Variants in CSMD1 observed in about 807,000 individuals in gnomAD.
The protein encoded by CSMD1 is CUB and sushi domain-containing protein 1.
Under a neutral mutation model 417.5 loss-of-function variants are expected in CSMD1, and 213 were observed. That is an observed-to-expected ratio of 0.51 (90% CI 0.46 to 0.57). The LOEUF is 0.57. Among genes scored for constraint, CSMD1 ranks in the 20% least tolerant of loss-of-function variants. The probability of loss-of-function intolerance (pLI) is 0.00; values close to 1 mark genes in which losing one functional copy is unlikely to be tolerated. For synonymous variants in CSMD1, 2,862 were observed against 1,736.8 expected (o/e 1.65, Z -16.11); for missense variants, 6,923 against 4,529.7 (o/e 1.53, Z -15.17).
At position 3,396,347 on chromosome 8, in the gene CSMD1, C is replaced by T. The variant is rs770045883; in HGVS notation, c.2440G>A (p.Val814Ile). 12 of 1,603,410 alleles carry T rather than the reference C, an allele frequency of 7.5e-6. No homozygotes were observed. Among genetic ancestry groups the T allele is most frequent in the South Asian group, 2.3e-5 (2 of 88,822 alleles). The stretch of plus-strand genomic sequence containing the variant: ...GACGAACTGGCTGGCCCATCTCTGA[C>T]CTCCAAGGTGTCATAATTGACCTCT... Reference protein sequence around the residue: ...QTEVNYDTLEVRDGPASSSPL... With the variant: ...QTEVNYDTLEIRDGPASSSPL... Residue 814 changes from valine to isoleucine, a missense_variant, in exon 17 of 70, where the codon GTC (valine) becomes ATC (isoleucine). Coordinates refer to ENST00000635120, the MANE Select transcript of CSMD1 (RefSeq NM_033225.6).
chr8:4,959,804 C>T (rs1809359155), intron 1 of CSMD1, among the ~76,000 whole-genome samples: 1 of 152,158 alleles, frequency 6.6e-6, no homozygotes, highest in Non-Finnish European at 1.5e-5. Flanking sequence ...GAATGATTTT[C>T]CCAGATATCC....
Position 4,410,103 on chromosome 8 carries a change from C to T in CSMD1, c.415+9850G>A, listed in dbSNP as rs1195089122. ...TGCTGGGATTACAGCCATGAGCCACCGTACCCGGTCCCATACTTTATAATC... is the reference window on the plus strand; with the variant it reads ...TGCTGGGATTACAGCCATGAGCCACTGTACCCGGTCCCATACTTTATAATC... On this transcript the variant is annotated intron_variant, in intron 3 of 69. Coordinates refer to ENST00000635120, the MANE Select transcript of CSMD1 (RefSeq NM_033225.6). Among the ~76,000 whole-genome samples the T allele has an allele frequency of 4.6e-5, 7 of 152,138 alleles. 1 individual carries two copies. The South Asian group carries it at 1.2e-3, about 27-fold the overall frequency.
At chr8:3,116,346 A>C (rs1204127154) in intron 42 of CSMD1, among the ~76,000 whole-genome samples, 1 of 146,480 alleles carries the variant, frequency 6.8e-6, no homozygotes, top group Non-Finnish European at 1.5e-5. Context: ...TTAGTAAAGA[A>C]CTTGGCATGG....
chr8:4,462,985 C>G (rs1309696095), intron 2 of CSMD1, among the ~76,000 whole-genome samples: 4 of 151,892 alleles, frequency 2.6e-5, no homozygotes, highest in African/African-American at 7.3e-5. Flanking sequence ...CTTTGTATTT[C>G]AAAAAACATT....
intron 7 of CSMD1, among the ~76,000 whole-genome samples, chr8:3,653,291 A>T (rs917453385): frequency 1.3e-5 from 2 of 152,174 alleles, no homozygotes; most frequent in Non-Finnish European, 2.9e-5. Flanking sequence ...AATTAAAGAA[A>T]ACTAAAGTTA....
chr8:3,455,378 G>T (rs1373563931), intron 12 of CSMD1, among the ~76,000 whole-genome samples: 2 of 152,244 alleles, frequency 1.3e-5, no homozygotes, highest in African/African-American at 4.8e-5. Context: ...TTTGGAGGAG[G>T]AGAGGCACTC....
chr8:3,278,086 G>T (rs1384936495), intron 26 of CSMD1, among the ~76,000 whole-genome samples: 4 of 151,902 alleles, frequency 2.6e-5, no homozygotes, highest in Non-Finnish European at 5.9e-5. Context: ...GAGTTTCAAG[G>T]GAAAAAATAT....
chr8:4,312,658 C>A (rs1563435866), intron 3 of CSMD1, among the ~76,000 whole-genome samples: 1 of 151,826 alleles, frequency 6.6e-6, no homozygotes, highest in South Asian at 2.1e-4. Flanking sequence ...GAGTGGATCA[C>A]CTGAGGTCAG....
chr8:3,840,623 CTG>C (rs902686738), intron 5 of CSMD1, among the ~76,000 whole-genome samples: 1 of 151,744 alleles, frequency 6.6e-6, no homozygotes, highest in Non-Finnish European at 1.5e-5. Flanking sequence ...TATGATATAT[CTG>C]TGTGTGTGCA....
intron 52 of CSMD1, among the ~76,000 whole-genome samples, chr8:3,012,753 A>AT (rs1037651126): frequency 7.2e-5 from 11 of 152,122 alleles, no homozygotes; most frequent in African/African-American, 2.7e-4. Flanking sequence ...GGATGTGGGG[A>AT]TTTTTTATAC....
At chr8:3,610,592 C>T (rs747834988) in intron 8 of CSMD1, among the ~76,000 whole-genome samples, 19 of 152,078 alleles carry the variant, frequency 1.2e-4, no homozygotes, top group Non-Finnish European at 5.9e-5. Flanking sequence ...ATCAGATGCC[C>T]ATGATCACTA....
intron 10 of CSMD1, among the ~76,000 whole-genome samples, chr8:3,561,464 T>C (rs1271559230): frequency 6.6e-6 from 1 of 150,858 alleles, no homozygotes; most frequent in Non-Finnish European, 1.5e-5. Context: ...AAATGATACA[T>C]TTCTTGGCAA....
At chr8:4,695,774 C>T (rs192243880) in intron 1 of CSMD1, among the ~76,000 whole-genome samples, 38 of 152,136 alleles carry the variant, frequency 2.5e-4, no homozygotes, top group Admixed American at 2.0e-3. Flanking sequence ...TATGTATCCC[C>T]GATATAGTAT....
rs535096542 is a variant in CSMD1, at chr8:2,972,100, C to T, written c.8923+1017G>A. ...CAAACATTCCTATATTAATATTTAG[C>T]GTTATTTTATATGTGAAATTAATGT... On this transcript the variant is annotated intron_variant, in intron 57 of 69. Coordinates refer to ENST00000635120, the MANE Select transcript of CSMD1 (RefSeq NM_033225.6). 6.9e-4 allele frequency among the ~76,000 whole-genome samples: 104 copies of T among 151,584 alleles called. 1 individual carries two copies. The highest frequency in any genetic ancestry group is 2.2e-3 in the African/African-American group (92 of 41,308).
intron 3 of CSMD1, among the ~76,000 whole-genome samples, chr8:4,336,081 T>C (rs1435683069): frequency 1.3e-5 from 2 of 152,104 alleles, no homozygotes; most frequent in Admixed American, 6.6e-5. Flanking sequence ...CACAAGACAA[T>C]CCACTAATTG....
chr8:4,374,695 A>C (rs532488287), intron 3 of CSMD1, among the ~76,000 whole-genome samples: 1 of 152,122 alleles, frequency 6.6e-6, no homozygotes, highest in African/African-American at 2.4e-5. Flanking sequence ...ATTTAGGAAA[A>C]TAAGCAGCTG....
At chr8:4,073,328 T>C (rs1009233120) in intron 3 of CSMD1, among the ~76,000 whole-genome samples, 2 of 152,148 alleles carry the variant, frequency 1.3e-5, no homozygotes, top group African/African-American at 4.8e-5. Flanking sequence ...AAATGAAGAA[T>C]TGTGAAAGCT....
At chr8:3,338,781 T>G (rs1369061381) in intron 23 of CSMD1, among the ~76,000 whole-genome samples, 1 of 152,066 alleles carries the variant, frequency 6.6e-6, no homozygotes, top group Non-Finnish European at 1.5e-5. Context: ...AGCTCTATCA[T>G]GCAGATCCAG....
intron 50 of CSMD1, among the ~76,000 whole-genome samples, chr8:3,034,527 T>C (rs1810541840): frequency 6.6e-6 from 1 of 152,208 alleles, no homozygotes; most frequent in South Asian, 2.1e-4. Flanking sequence ...ACATTACATA[T>C]ATAAACACAT....
Sources: allele counts gnomAD v4.1 joint callset (sites outside exome capture counted in the v4.1 genomes callset), GRCh38; gene constraint gnomAD v4.1.1; transcripts MANE v1.5; gene names NCBI Gene and HGNC (gene_info 2026-07-23, HGNC 2026-07-21).